Variants in GIGYF2 observed in about 807,000 individuals in gnomAD.
GIGYF2 encodes the protein GRB10-interacting GYF protein 2.
Under a neutral mutation model 208.1 loss-of-function variants are expected in GIGYF2, and 25 were observed. The ratio of observed to expected loss-of-function variants is 0.12; its 90% CI spans 0.09 to 0.17. GIGYF2 has a LOEUF of 0.17. GIGYF2 is among the 10% of genes least tolerant of loss of function. GIGYF2 has a pLI of 1.00. For synonymous variants in GIGYF2, 534 were observed against 543.8 expected, an observed-to-expected ratio of 0.98 and a Z score of 0.25; for missense variants, 1,302 against 1,579.4, an observed-to-expected ratio of 0.82 and a Z score of 2.98.
At chr2:232,732,925 C>T (rs1025027284) in intron 2 of GIGYF2, among the ~76,000 whole-genome samples, 1 of 151,942 alleles carries the variant, frequency 6.6e-6, no homozygotes, top group Non-Finnish European at 1.5e-5. Context: ...CCACCATGCT[C>T]GGCAGTTATG....
At chr2:232,830,537 TC>T (rs1205133932) in intron 21 of GIGYF2, among the ~76,000 whole-genome samples, 1 of 152,198 alleles carries the variant, frequency 6.6e-6, no homozygotes, top group Non-Finnish European at 1.5e-5. Context: ...GCACACAGTT[TC>T]CCCTGCTGTT....
intron 22 of GIGYF2, among the ~76,000 whole-genome samples, chr2:232,835,697 A>G (rs1701565142): frequency 6.6e-6 from 1 of 152,032 alleles, no homozygotes; most frequent in African/African-American, 2.4e-5. Context: ...CCCCCCGACC[A>G]TGTTGAAGCC....
At chr2:232,722,375 C>G (rs570692564) in intron 2 of GIGYF2, among the ~76,000 whole-genome samples, 29 of 152,228 alleles carry the variant, frequency 1.9e-4, no homozygotes, top group Admixed American at 2.6e-4. Flanking sequence ...GGAAGAGCCC[C>G]TTATAAAACC....
At chr2:232,844,907 A>G (rs910704804) in intron 25 of GIGYF2, among the ~76,000 whole-genome samples, 7 of 152,154 alleles carry the variant, frequency 4.6e-5, no homozygotes, top group African/African-American at 9.7e-5. Flanking sequence ...TTTTTCCTAT[A>G]TTTGTATTTT....
In GIGYF2 at chr2:232,809,800, G is replaced by A. The variant is rs775295230; in HGVS notation, c.1887G>A (p.Gln629=). 6.4e-7 allele frequency: 1 copy of A among 1,574,472 alleles called. No homozygotes were observed. Among genetic ancestry groups the A allele is most frequent in the Non-Finnish European group, 8.7e-7 (1 of 1,143,724 alleles). ...AGATGCAGCACCTGCAGTACCAGCA[G>A]TTTTTAATACAGTAAGAAGAGTAAT... ...LYQMQHLQYQ[Q]FLIQQQYAQV... is the part of the protein sequence containing the mutation. The change falls in exon 16 of 29, where the codon CAG becomes CAA. Residue 629 remains glutamine, a synonymous_variant. Coordinates refer to ENST00000373563, the MANE Select transcript of GIGYF2 (RefSeq NM_001103146.3).
chr2:232,777,820 C>T (rs1574872213), intron 8 of GIGYF2, among the ~76,000 whole-genome samples: 1 of 152,038 alleles, frequency 6.6e-6, no homozygotes, highest in East Asian at 1.9e-4. Flanking sequence ...TCCCAGCTAA[C>T]AAATTGCAGA....
intron 22 of GIGYF2, among the ~76,000 whole-genome samples, chr2:232,834,739 G>A (rs1450101100): frequency 1.3e-5 from 2 of 151,852 alleles, no homozygotes; most frequent in East Asian, 3.9e-4. Context: ...CAGTTTTCAT[G>A]TTCTTCTCTC....
intron 7 of GIGYF2, 129 bp from the exon 8 acceptor site, chr2:232,761,267 T>G (rs1698731645): frequency 1.5e-6 from 1 of 658,922 alleles, no homozygotes; most frequent in South Asian, 1.7e-5. Flanking sequence ...TATTAGGCAA[T>G]AACTATGTAT....
At chr2:232,810,037 G>C (rs1700686178) in intron 16 of GIGYF2, among the ~76,000 whole-genome samples, 1 of 152,190 alleles carries the variant, frequency 6.6e-6, no homozygotes, top group Non-Finnish European at 1.5e-5. Flanking sequence ...ATCCAGGCTG[G>C]AGTGCAGTGG....
chr2:232,728,245 T>C (rs36038193), intron 2 of GIGYF2, among the ~76,000 whole-genome samples: 24,345 of 151,928 alleles, frequency 0.16, 2,064 homozygotes, highest in South Asian at 0.3. Flanking sequence ...GGAGATTGAG[T>C]TGGGGAGGGA....
Position 232,833,273 on chromosome 2 carries a change from G to A in GIGYF2, c.2766+180G>A, listed in dbSNP as rs1229173099. 4.1e-5 allele frequency: 11 copies of A among 268,962 alleles called. No homozygotes were observed. The Admixed American group carries it at 5.7e-4, about 14-fold the overall frequency. The allele number at this position is 268,962 out of a possible 1,614,324, so 16.7% of individuals were successfully genotyped here. On this transcript the variant is annotated intron_variant, in intron 22 of 28. Transcript: ENST00000373563. ...CTCCCATCACCCAGGCTGGAGTGCAGTGGTGCGATCTTGGTTCACTGTAAC... is the reference window on the plus strand; with the variant it reads ...CTCCCATCACCCAGGCTGGAGTGCAATGGTGCGATCTTGGTTCACTGTAAC...
At chr2:232,830,018 C>T (rs1432105083) in intron 21 of GIGYF2, among the ~76,000 whole-genome samples, 2 of 152,112 alleles carry the variant, frequency 1.3e-5, no homozygotes, top group Non-Finnish European at 2.9e-5. Context: ...CCCACTCTGT[C>T]GCCCAGGCTG....
At chr2:232,844,768 TG>T (rs1167168997) in intron 25 of GIGYF2, among the ~76,000 whole-genome samples, 194 bp downstream of exon 25, 1 of 152,216 alleles carries the variant, frequency 6.6e-6, no homozygotes, top group Non-Finnish European at 1.5e-5. Context: ...TATTATTTCT[TG>T]GGGCTCCTGC....
At chr2:232,788,426 TG>T (rs1699980425) in intron 9 of GIGYF2, 2 of 310,184 alleles carry the variant, frequency 6.4e-6, no homozygotes, top group Non-Finnish European at 1.4e-5. Context: ...GTCTGTGACC[TG>T]GGCCAGATGT....
chr2:232,750,209 C>T (rs1698288408), intron 5 of GIGYF2, among the ~76,000 whole-genome samples: 1 of 151,526 alleles, frequency 6.6e-6, no homozygotes. Context: ...AAAATGTTGG[C>T]ATATGTCCTT....
intron 1 of GIGYF2, chr2:232,698,312 GTATT>G (rs1486754293): frequency 1.3e-5 from 2 of 152,190 alleles, no homozygotes; most frequent in Non-Finnish European, 2.9e-5. Flanking sequence ...AGAAAGGTAA[GTATT>G]CCAGTTTAAC....
At chr2:232,827,957 T>C (rs1385738701) in intron 21 of GIGYF2, among the ~76,000 whole-genome samples, 2 of 152,154 alleles carry the variant, frequency 1.3e-5, no homozygotes, top group African/African-American at 4.8e-5. Context: ...GAATGGGTTA[T>C]TTAATTTCCA....
At chr2:232,726,694 T>C (rs771338774) in intron 2 of GIGYF2, among the ~76,000 whole-genome samples, 1 of 152,200 alleles carries the variant, frequency 6.6e-6, no homozygotes. Context: ...TTTTAAAATA[T>C]ACGTGACAAG....
At position 232,772,100 on chromosome 2, in the gene GIGYF2, G is replaced by A. The variant is rs1183605891; in HGVS notation, c.532+10664G>A. ...ATTTTTAGAATTTTAATTTTTGTTGGTACTGGGCTCAATATATTGCCTAGG... is the reference window on the plus strand; with the variant it reads ...ATTTTTAGAATTTTAATTTTTGTTGATACTGGGCTCAATATATTGCCTAGG... On this transcript the variant is annotated intron_variant, in intron 8 of 28. Coordinates refer to ENST00000373563, the MANE Select transcript of GIGYF2 (RefSeq NM_001103146.3). Among the ~76,000 whole-genome samples, 10 of 152,232 alleles carry A rather than the reference G, an allele frequency of 6.6e-5. No individual in the cohort carries two copies. The South Asian group carries it at 1.9e-3, about 28-fold the overall frequency.
Sources: allele counts gnomAD v4.1 joint callset (sites outside exome capture counted in the v4.1 genomes callset), GRCh38; gene constraint gnomAD v4.1.1; transcripts MANE v1.5; gene names NCBI Gene and HGNC (gene_info 2026-07-23, HGNC 2026-07-21).